RPS6KA2: variants seen among roughly 807,000 people sequenced by gnomAD.
RPS6KA2 encodes ribosomal protein S6 kinase A2, also known as ribosomal protein S6 kinase alpha-2.
Under a neutral mutation model 91.8 loss-of-function variants are expected in RPS6KA2, and 42 were observed. That is an observed-to-expected ratio of 0.46 (90% confidence interval 0.36 to 0.59). The LOEUF (loss-of-function observed/expected upper bound fraction) is 0.59. Among genes scored for constraint, RPS6KA2 ranks in the 20% least tolerant of loss-of-function variants. RPS6KA2 has a pLI of 0.00. For synonymous variants in RPS6KA2, 414 were observed against 393.6 expected (o/e 1.05, Z -0.61); for missense variants, 798 against 978.5 (o/e 0.82, Z 2.46).
intron 2 of RPS6KA2, among the ~76,000 whole-genome samples, chr6:166,728,706 C>T (rs1052606784): frequency 6.6e-6 from 1 of 152,142 alleles, no homozygotes; most frequent in African/African-American, 2.4e-5. Flanking sequence ...ATACCACGTG[C>T]TTACTTTCTC....
chr6:166,603,153 C>T lies in RPS6KA2; in HGVS notation c.99+23768G>A, dbSNP rs541153587. Among the ~76,000 whole-genome samples, 186 of 152,280 alleles carry T rather than the reference C, an allele frequency of 1.2e-3. No individual in the cohort carries two copies. The highest frequency in any genetic ancestry group is 3.8e-3 in the African/African-American group (157 of 41,552). On this transcript the variant is annotated intron_variant, in intron 1 of 20. Transcript: ENST00000265678. This position sits in a 1 kb window ranked among gnomAD's most constrained non-coding sequence, Gnocchi z 4.3. ...GAGCTTAGTCTAAAAGGGATCTGGG[C>T]GGGATATCAAGAACCAAACATCACA...
intron 1 of RPS6KA2, among the ~76,000 whole-genome samples, chr6:166,572,844 C>T (rs1784730597): frequency 2.0e-5 from 3 of 152,262 alleles, no homozygotes; most frequent in Admixed American, 2.0e-4. Flanking sequence ...GCTCCCACGT[C>T]CTCTGCTCCC....
chr6:166,754,436 T>C (rs768919784), intron 2 of RPS6KA2, among the ~76,000 whole-genome samples: 18 of 152,098 alleles, frequency 1.2e-4, no homozygotes, highest in Non-Finnish European at 1.9e-4. Context: ...AAGGAACAGG[T>C]GAGCCAGGGT....
At chr6:166,759,249 A>C (rs1366643088) in intron 2 of RPS6KA2, among the ~76,000 whole-genome samples, 1 of 152,256 alleles carries the variant, frequency 6.6e-6, no homozygotes, top group African/African-American at 2.4e-5. Context: ...AAGAACCTAT[A>C]ATGTAACATT....
chr6:166,552,934 C>A (rs775699007), intron 1 of RPS6KA2, among the ~76,000 whole-genome samples: 8 of 152,180 alleles, frequency 5.3e-5, no homozygotes, highest in Non-Finnish European at 1.2e-4. Flanking sequence ...TGGCTCTCTA[C>A]GGATTCTGCA....
At chr6:166,455,727 G>A (rs140592990) in intron 12 of RPS6KA2, among the ~76,000 whole-genome samples, 369 of 152,324 alleles carry the variant, frequency 2.4e-3, no homozygotes, top group Non-Finnish European at 4.2e-3. Flanking sequence ...AGGAGGAGGC[G>A]CTCCTGCTAC....
chr6:166,679,002 C>T (rs1175705285), intron 2 of RPS6KA2, among the ~76,000 whole-genome samples: 2 of 152,132 alleles, frequency 1.3e-5, no homozygotes, highest in African/African-American at 2.4e-5. Context: ...TATTTGTTTA[C>T]AAGTAATATT....
chr6:166,626,777 C>T lies in RPS6KA2; in HGVS notation c.99+144G>A. The T allele has an allele frequency of 1.6e-6, 1 of 628,436 alleles. No homozygotes were observed. Among genetic ancestry groups the T allele is most frequent in the South Asian group, 4.7e-5 (1 of 21,344 alleles). The allele number at this position is 628,436 out of a possible 1,614,324, so 38.9% of individuals were successfully genotyped here. On this transcript the variant is annotated intron_variant, in intron 1 of 20. Transcript: ENST00000265678. This position sits in a 1 kb window ranked among gnomAD's most constrained non-coding sequence, Gnocchi z 4.1. The stretch of plus-strand genomic sequence containing the variant: ...CGATAACGTTTGGAGCCGTTTGGTT[C>T]GATTTTCGGAACCGGACCAGCTTTC...
intron 2 of RPS6KA2, among the ~76,000 whole-genome samples, chr6:166,836,338 C>T (rs1013109752): frequency 3.3e-5 from 5 of 151,920 alleles, no homozygotes; most frequent in East Asian, 1.9e-4. Flanking sequence ...CTTAAATGTT[C>T]GATAGAATTC....
intron 2 of RPS6KA2, among the ~76,000 whole-genome samples, chr6:166,768,984 C>T (rs1259223186): frequency 6.6e-6 from 1 of 152,218 alleles, no homozygotes; most frequent in Non-Finnish European, 1.5e-5. Flanking sequence ...GAAACAGCCG[C>T]TTTCCTGGGA....
chr6:166,522,448 G>A (rs1782890865), intron 3 of RPS6KA2, among the ~76,000 whole-genome samples: 1 of 152,234 alleles, frequency 6.6e-6, no homozygotes, highest in Non-Finnish European at 1.5e-5. Context: ...AGACGGCCTT[G>A]GTGACCTGAA....
At chr6:166,846,761 C>T (rs375333339) in intron 2 of RPS6KA2, among the ~76,000 whole-genome samples, 20 of 152,220 alleles carry the variant, frequency 1.3e-4, no homozygotes, top group African/African-American at 3.4e-4. Flanking sequence ...TTATACTGAA[C>T]GAGGAAAAGT....
intron 2 of RPS6KA2, among the ~76,000 whole-genome samples, chr6:166,680,543 A>G (rs996664712): frequency 1.3e-5 from 2 of 151,994 alleles, no homozygotes; most frequent in African/African-American, 4.8e-5. Context: ...GAACTGTAAC[A>G]TCTCCACGAA....
chr6:166,530,045 GAC>G (rs1783211948), intron 3 of RPS6KA2, among the ~76,000 whole-genome samples: 1 of 152,180 alleles, frequency 6.6e-6, no homozygotes, highest in South Asian at 2.1e-4. Flanking sequence ...TCTTGTTGGT[GAC>G]AGGTCCTTCC....
At chr6:166,431,977 C>A (rs924855321) in intron 15 of RPS6KA2, among the ~76,000 whole-genome samples, 5 of 152,164 alleles carry the variant, frequency 3.3e-5, no homozygotes, top group Non-Finnish European at 7.3e-5. Flanking sequence ...CGTTTGCACG[C>A]AGCAGTCACT....
At position 166,451,205 on chromosome 6, in the gene RPS6KA2, G is replaced by A. The variant is rs4710047; in HGVS notation, c.1104C>T (p.Asn368=). Residue 368 remains asparagine, a synonymous_variant, in exon 13 of 21, where the codon AAC becomes AAT. Coordinates refer to ENST00000265678, the MANE Select transcript of RPS6KA2 (RefSeq NM_021135.6). ...TGAATCCTCTAAACAGGTGATGAGC[G>A]TTTGCACTCGGGGGGACGCCAGGAG... is the stretch of plus-strand genomic sequence containing the variant. ...TDSPGVPPSA[N]AHHLFRGFSF... is the part of the protein sequence containing the mutation. 15,628 of 1,614,008 alleles carry A rather than the reference G, an allele frequency of 9.7e-3. 506 individuals carry two copies. In the East Asian group the frequency reaches 0.1, roughly 10 times the overall value.
At chr6:166,575,331 C>T (rs546250042) in intron 1 of RPS6KA2, among the ~76,000 whole-genome samples, 10 of 152,232 alleles carry the variant, frequency 6.6e-5, no homozygotes, top group South Asian at 2.1e-4. Context: ...CAGAAGTGTA[C>T]GGAGAACTAT....
chr6:166,418,387 A>C lies in RPS6KA2; in HGVS notation c.1821-45T>G. The C allele has an allele frequency of 6.9e-7, 1 of 1,450,902 alleles. No homozygotes were observed. The highest frequency in any genetic ancestry group is 9.7e-7 in the Non-Finnish European group (1 of 1,034,864). 89.9% of individuals were successfully genotyped at this position (1,450,902 alleles called of 1,614,324 possible). On this transcript the variant is annotated intron_variant, in intron 18 of 20. Transcript: ENST00000265678. The surrounding 1 kb of genome is among the most constrained non-coding windows in gnomAD (Gnocchi z 4.9). ...TGTGGTAATGAGCTTGTATTTTACA[A>C]CCTAAAATAAAGTTTGCAAGTTGAT...
At chr6:166,462,206 G>A (rs996807240) in intron 11 of RPS6KA2, among the ~76,000 whole-genome samples, 1 of 152,370 alleles carries the variant, frequency 6.6e-6, no homozygotes, top group Non-Finnish European at 1.5e-5. Context: ...AAGGAGGACT[G>A]GATGTTGAGG....
Sources: gnomAD v4.1 joint callset for allele counts (sites outside exome capture counted in the v4.1 genomes callset) on GRCh38, gnomAD v4.1.1 for gene constraint, Gnocchi (gnomAD v3.1) non-coding constraint, MANE v1.5 for transcripts, NCBI Gene and HGNC (gene_info 2026-07-23, HGNC 2026-07-21) for gene names.